FGF9: variants seen among roughly 807,000 people sequenced by gnomAD.
FGF9 encodes the protein fibroblast growth factor 9.
In FGF9, 3 loss-of-function variants were observed where a neutral mutation model predicts 19.9. The observed-to-expected ratio is 0.15, with a 90% CI of 0.07 to 0.39. FGF9 has a LOEUF of 0.39. Ranked by LOEUF, FGF9 falls within the 10% of genes least tolerant of loss-of-function variation. FGF9 has a pLI of 1.00. For synonymous variants in FGF9, 107 were observed against 106.9 expected (o/e 1.00, Z -0.01); for missense variants, 175 against 256.8 (o/e 0.68, Z 2.18).
intron 1 of FGF9, among the ~76,000 whole-genome samples, chr13:21,673,185 A>G (rs994252132): frequency 5.3e-5 from 8 of 152,194 alleles, no homozygotes; most frequent in Admixed American, 3.3e-4. Flanking sequence ...AGTTTGGGCA[A>G]CTAGACTGTT....
At chr13:21,675,886 C>T (rs1871903869) in intron 1 of FGF9, among the ~76,000 whole-genome samples, 1 of 149,980 alleles carries the variant, frequency 6.7e-6, no homozygotes, top group Non-Finnish European at 1.5e-5. Flanking sequence ...CCAGCAGGAG[C>T]TGCAGAGGTG....
At chr13:21,678,487 C>T (rs147616437) in intron 1 of FGF9, among the ~76,000 whole-genome samples, 52 of 152,256 alleles carry the variant, frequency 3.4e-4, no homozygotes, top group African/African-American at 1.1e-3. Flanking sequence ...GAGACGGCCT[C>T]TCATTTGGCA....
chr13:21,677,935 G>T (rs1247398990), intron 1 of FGF9, among the ~76,000 whole-genome samples: 4 of 152,150 alleles, frequency 2.6e-5, no homozygotes, highest in Admixed American at 2.6e-4. Context: ...CAGAAACCCA[G>T]ATGAGCTGCC....
chr13:21,687,978 T>C (rs959347642), intron 2 of FGF9, among the ~76,000 whole-genome samples: 2 of 152,208 alleles, frequency 1.3e-5, no homozygotes, highest in African/African-American at 2.4e-5. Context: ...CTTTGCCTTC[T>C]AGGTATCTGC....
chr13:21,701,508 G>T lies in FGF9; in HGVS notation c.*73G>T, dbSNP rs1450398195. On this transcript the variant is annotated 3_prime_UTR_variant, in exon 3 of 3. Transcript: ENST00000382353. ...AGGTTTCACGCGGTGGGTTCTTATTGATTCGCTGTGTCATCACATCAGCTC... is the reference window on the plus strand; with the variant it reads ...AGGTTTCACGCGGTGGGTTCTTATTTATTCGCTGTGTCATCACATCAGCTC... 1.2e-6 allele frequency: 2 copies of T among 1,605,590 alleles called. No homozygotes were observed. The highest frequency in any genetic ancestry group is 1.7e-6 in the Non-Finnish European group (2 of 1,173,364).
intron 1 of FGF9, among the ~76,000 whole-genome samples, chr13:21,678,156 T>G (rs1301476951): frequency 6.6e-6 from 1 of 152,164 alleles, no homozygotes; most frequent in Non-Finnish European, 1.5e-5. Flanking sequence ...AATAGCTTCT[T>G]GAATGAAAAA....
At chr13:21,698,322 C>T (rs147145423) in intron 2 of FGF9, among the ~76,000 whole-genome samples, 1 of 152,264 alleles carries the variant, frequency 6.6e-6, no homozygotes, top group Non-Finnish European at 1.5e-5. Context: ...GCTGCATTTG[C>T]TGTTTTCTAA....
chr13:21,695,083 CGTGTGTGTGTGTGTGTGTGTGTGT>C (rs59076902), intron 2 of FGF9, among the ~76,000 whole-genome samples: 1 of 137,146 alleles, frequency 7.3e-6, no homozygotes, highest in African/African-American at 2.8e-5. Context: ...TGTGTGTGTG[CGTGTGTGTGTGTGTGTGTGTGTGT>C]GTGTGTGTGA....
chr13:21,701,534 C>T lies in FGF9; in HGVS notation c.*99C>T. Reference sequence around the variant, plus strand: ...ATTCGCTGTGTCATCACATCAGCTCCACTGTTGCCAAACTTTGTCGCATGC... The same window carrying T: ...ATTCGCTGTGTCATCACATCAGCTCTACTGTTGCCAAACTTTGTCGCATGC... On this transcript the variant is annotated 3_prime_UTR_variant, in exon 3 of 3. Transcript: ENST00000382353. The T allele has an allele frequency of 1.3e-6, 2 of 1,533,132 alleles. No homozygotes were observed. Among genetic ancestry groups the T allele is most frequent in the South Asian group, 2.3e-5 (2 of 88,332 alleles). The allele number at this position is 1,533,132 out of a possible 1,614,324, so 95.0% of individuals were successfully genotyped here.
intron 1 of FGF9, among the ~76,000 whole-genome samples, chr13:21,678,334 A>C (rs1284604456): frequency 3.3e-5 from 5 of 152,226 alleles, no homozygotes; most frequent in South Asian, 4.1e-4. Flanking sequence ...CAAATGTAAG[A>C]TGTGCATAAT....
chr13:21,700,015 G>GGTGTGTGTGT (rs3076108), intron 2 of FGF9, among the ~76,000 whole-genome samples: 66 of 146,822 alleles, frequency 4.5e-4, no homozygotes, highest in African/African-American at 1.5e-3. Context: ...TTTGGGATGT[G>GGTGTGTGTGT]GTGTGTGTGT....
chr13:21,671,300 TTTTTG>T lies in FGF9; in HGVS notation c.-608_-604del. 1 of 350,768 alleles carries T rather than the reference TTTTTG, an allele frequency of 2.9e-6. No individual in the cohort carries two copies. Among genetic ancestry groups the T allele is most frequent in the Non-Finnish European group, 5.1e-6 (1 of 197,426 alleles). The allele number at this position is 350,768 out of a possible 1,614,324, so 21.7% of individuals were successfully genotyped here. ...TTTGGACGCCTAAAGTTTCTTCTTC[TTTTTG>T]TTTTATTATTATTATCATTTTTTGG... On this transcript the variant is annotated 5_prime_UTR_variant, in exon 1 of 3. Transcript: ENST00000382353.
chr13:21,677,619 A>T (rs1057419773), intron 1 of FGF9, among the ~76,000 whole-genome samples: 2 of 152,128 alleles, frequency 1.3e-5, no homozygotes, highest in African/African-American at 4.8e-5. Context: ...TTGGGGTGGG[A>T]TCCTGTTGCG....
chr13:21,672,552 A>G lies in FGF9; in HGVS notation c.277+363A>G, dbSNP rs1375902719. On this transcript the variant is annotated intron_variant, in intron 1 of 2. Transcript: ENST00000382353. The surrounding 1 kb of genome is among the most constrained non-coding windows in gnomAD (Gnocchi z 4.2). ...GAGTTTAAAGCTTTAATCATTAACT[A>G]CTAAGAACTTAATGCAGTTTCTTGA... is the stretch of plus-strand genomic sequence containing the variant. Among the ~76,000 whole-genome samples the G allele has an allele frequency of 6.6e-6, 1 of 152,238 alleles. No individual in the cohort carries two copies. Among genetic ancestry groups the G allele is most frequent in the Non-Finnish European group, 1.5e-5 (1 of 68,032 alleles).
In FGF9 at chr13:21,691,930, G is replaced by A. The variant is rs978704576; in HGVS notation, c.382-9260G>A. ...CCACACTCAGAGCTGTCTTCTTCATGCTGTCTCTAAATGCTTACGATCCTG... is the reference window on the plus strand; with the variant it reads ...CCACACTCAGAGCTGTCTTCTTCATACTGTCTCTAAATGCTTACGATCCTG... On this transcript the variant is annotated intron_variant, in intron 2 of 2. Transcript: ENST00000382353. This position sits in a 1 kb window ranked among gnomAD's most constrained non-coding sequence, Gnocchi z 4.2. Among the ~76,000 whole-genome samples, 4 of 151,866 alleles carry A rather than the reference G, an allele frequency of 2.6e-5. No individual in the cohort carries two copies. The highest frequency in any genetic ancestry group is 1.3e-4 in the Admixed American group (2 of 15,262).
At position 21,672,257 on chromosome 13, in the gene FGF9, G is replaced by C; in HGVS notation, c.277+68G>C. On this transcript the variant is annotated intron_variant, in intron 1 of 2. Transcript: ENST00000382353. This position sits in a 1 kb window ranked among gnomAD's most constrained non-coding sequence, Gnocchi z 4.2. ...TTGAAATTATAACTACCAAGAAGGT[G>C]GTGGCCGGGTGGGGGACGTGGGAAG... 1.3e-6 allele frequency: 2 copies of C among 1,571,132 alleles called. No individual in the cohort carries two copies. The highest frequency in any genetic ancestry group is 2.2e-5 in the South Asian group (2 of 89,630).
chr13:21,672,393 TGC>T lies in FGF9; in HGVS notation c.277+205_277+206del, dbSNP rs1440668228. On this transcript the variant is annotated intron_variant, in intron 1 of 2. Transcript: ENST00000382353. The surrounding 1 kb of genome is among the most constrained non-coding windows in gnomAD (Gnocchi z 4.2). Reference sequence around the variant, plus strand: ...ATTGCAGATCTGCTGCTGGCACTGATGCAAGTATACACTGAAAGGCCCCCTAC... The same window carrying T: ...ATTGCAGATCTGCTGCTGGCACTGATAAGTATACACTGAAAGGCCCCCTAC... Among the ~76,000 whole-genome samples, 1 of 152,160 alleles carries T rather than the reference TGC, an allele frequency of 6.6e-6. No homozygotes were observed. The highest frequency in any genetic ancestry group is 1.5e-5 in the Non-Finnish European group (1 of 68,034).
At position 21,701,847 on chromosome 13, in the gene FGF9, A is replaced by T; in HGVS notation, c.*412A>T. 4.6e-6 allele frequency: 1 copy of T among 217,780 alleles called. No individual in the cohort carries two copies. Among genetic ancestry groups the T allele is most frequent in the South Asian group, 7.8e-5 (1 of 12,856 alleles). 13.5% of individuals were successfully genotyped at this position (217,780 alleles called of 1,614,324 possible). ...TTTCTGATCAGTTGTACTTCATCCT[A>T]TATCAGCACAGCTGCCATACTTCGA... On this transcript the variant is annotated 3_prime_UTR_variant, in exon 3 of 3. Coordinates refer to ENST00000382353, the MANE Select transcript of FGF9 (RefSeq NM_002010.3).
chr13:21,671,486 G>C lies in FGF9; in HGVS notation c.-427G>C, dbSNP rs1871765285. 1 of 458,606 alleles carries C rather than the reference G, an allele frequency of 2.2e-6. No individual in the cohort carries two copies. Among genetic ancestry groups the C allele is most frequent in the Admixed American group, 3.8e-5 (1 of 26,322 alleles). 28.4% of individuals were successfully genotyped at this position (458,606 alleles called of 1,614,324 possible). On this transcript the variant is annotated 5_prime_UTR_variant, in exon 1 of 3. Transcript: ENST00000382353. ...ATCCGTAAATTCTGACGTAGCCCGT[G>C]CATCTTAAAAATCCCTATAATAACG... is the stretch of plus-strand genomic sequence containing the variant.
Sources: allele counts gnomAD v4.1 joint callset (sites outside exome capture counted in the v4.1 genomes callset), GRCh38; gene constraint gnomAD v4.1.1; non-coding constraint Gnocchi (gnomAD v3.1); transcripts MANE v1.5; gene names NCBI Gene and HGNC (gene_info 2026-07-23, HGNC 2026-07-21).